Variants in HEATR5B observed in about 807,000 individuals in gnomAD.
HEATR5B encodes HEAT repeat-containing protein 5B.
Under a neutral mutation model 224.1 loss-of-function variants are expected in HEATR5B, and 156 were observed. The observed-to-expected ratio is 0.70, with a 90% CI of 0.61 to 0.80. HEATR5B has a LOEUF of 0.80. Among genes scored for constraint, HEATR5B ranks in the 30% least tolerant of loss-of-function variants. The probability of loss-of-function intolerance (pLI) is 0.00; values close to 1 mark genes in which losing one functional copy is unlikely to be tolerated. For synonymous variants in HEATR5B, 1,027 were observed against 893.0 expected (o/e 1.15, Z -2.68); for missense variants, 2,323 against 2,535.5 (o/e 0.92, Z 1.80).
chr2:37,046,788 G>A (rs977631817), intron 18 of HEATR5B, among the ~76,000 whole-genome samples: 2 of 151,802 alleles, frequency 1.3e-5, no homozygotes, highest in Admixed American at 6.6e-5. Context: ...AGTGGCTCAC[G>A]GTTGTAATCC....
chr2:37,071,015 C>G (rs542358851), intron 6 of HEATR5B, among the ~76,000 whole-genome samples: 17 of 152,274 alleles, frequency 1.1e-4, no homozygotes, highest in African/African-American at 3.8e-4. Context: ...TCTCAATTTC[C>G]TCATCTATAA....
intron 2 of HEATR5B, among the ~76,000 whole-genome samples, chr2:37,081,198 T>G (rs1293967265): frequency 6.6e-6 from 1 of 152,180 alleles, no homozygotes. Context: ...AAACGTCTAG[T>G]TGACAATTAC....
intron 6 of HEATR5B, 72 bp downstream of exon 6, chr2:37,072,038 T>C (rs1671939783): frequency 8.1e-7 from 1 of 1,232,078 alleles, no homozygotes; most frequent in Non-Finnish European, 1.1e-6. Context: ...TTTAAATCCA[T>C]TACACTGACT....
chr2:37,013,930 C>G lies in HEATR5B; in HGVS notation c.4195G>C (p.Val1399Leu). 1 of 1,613,186 alleles carries G rather than the reference C, an allele frequency of 6.2e-7. No homozygotes were observed. The highest frequency in any genetic ancestry group is 1.3e-5 in the African/African-American group (1 of 74,970). The change falls in exon 27 of 36, where the codon GTT becomes CTT. Residue 1399 changes from valine to leucine, a missense_variant. Around this residue, in one of 12 missense-constraint regions of HEATR5B, gnomAD observed 844 missense variants for 812.9 expected, o/e 1.04. Coordinates refer to ENST00000233099, the MANE Select transcript of HEATR5B (RefSeq NM_019024.3). ...CTGGAAGATCCTTTTCCAGCCTGAACTTTGTCCAGAGAAGAAACAAGAAGA... is the reference window on the plus strand; with the variant it reads ...CTGGAAGATCCTTTTCCAGCCTGAAGTTTGTCCAGAGAAGAAACAAGAAGA... Reference protein sequence around the residue: ...HNLLVSSLDKVQAGKGSSSQL... With the variant: ...HNLLVSSLDKLQAGKGSSSQL...
chr2:36,992,210 C>CAAAA (rs1238063262), intron 33 of HEATR5B, among the ~76,000 whole-genome samples: 3 of 150,902 alleles, frequency 2.0e-5, no homozygotes, highest in African/African-American at 7.3e-5. Flanking sequence ...AACAAACAAA[C>CAAAA]AAAAAAACAA....
chr2:37,061,416 T>C (rs1465103346), intron 11 of HEATR5B, among the ~76,000 whole-genome samples: 1 of 152,198 alleles, frequency 6.6e-6, no homozygotes, highest in Non-Finnish European at 1.5e-5. Flanking sequence ...GCACACACTT[T>C]TTACAGCAGC....
chr2:37,049,191 C>T (rs182941438), intron 18 of HEATR5B, among the ~76,000 whole-genome samples: 40 of 152,168 alleles, frequency 2.6e-4, no homozygotes, highest in Middle Eastern at 3.4e-3. Flanking sequence ...ATAAGTGAAT[C>T]CTTAAAACCT....
chr2:36,981,942 T>A (rs1340120708), intron 35 of HEATR5B, 148 bp from the exon 36 acceptor site: 1 of 457,758 alleles, frequency 2.2e-6, no homozygotes, highest in Non-Finnish European at 3.8e-6. Flanking sequence ...TCGTAATTAA[T>A]ATTAAATATT....
At chr2:37,049,371 A>G (rs1021316786) in intron 18 of HEATR5B, among the ~76,000 whole-genome samples, 7 of 152,218 alleles carry the variant, frequency 4.6e-5, no homozygotes, top group African/African-American at 1.2e-4. Context: ...GTGAATACAC[A>G]TAACAGAGAA....
At chr2:37,065,066 A>G in intron 9 of HEATR5B, 76 bp from the exon 10 acceptor site, 4 of 1,421,100 alleles carry the variant, frequency 2.8e-6, no homozygotes, top group Non-Finnish European at 3.9e-6. Flanking sequence ...TATCTAAAAA[A>G]CAATAACTGA....
chr2:37,065,491 T>A (rs1190516655), intron 9 of HEATR5B, among the ~76,000 whole-genome samples: 1 of 152,088 alleles, frequency 6.6e-6, no homozygotes, highest in Non-Finnish European at 1.5e-5. Flanking sequence ...GTATTTTTAG[T>A]AGAGACAGAC....
rs1289784196 is a variant in HEATR5B at position 37,083,451 on chromosome 2, A to T, written c.-22-15T>A. ...GAAATTCACACCTTAAATTTAACAG[A>T]GTAAAAAATACTTGTAAGTATTTTT... On this transcript the variant is annotated splice_polypyrimidine_tract_variant and intron_variant, in intron 1 of 35. Coordinates refer to ENST00000233099, the MANE Select transcript of HEATR5B (RefSeq NM_019024.3). 1.3e-6 allele frequency: 2 copies of T among 1,566,128 alleles called. No individual in the cohort carries two copies. Among genetic ancestry groups the T allele is most frequent in the Non-Finnish European group, 1.8e-6 (2 of 1,142,560 alleles).
intron 22 of HEATR5B, 132 bp downstream of exon 22, chr2:37,032,497 G>T (rs9309001): frequency 0.36 from 300,695 of 838,456 alleles, 57,039 homozygotes; most frequent in East Asian, 0.64. Context: ...TTTAAAAGTG[G>T]TAATGGTTTT....
At chr2:37,007,491 G>T (rs554984399) in intron 28 of HEATR5B, among the ~76,000 whole-genome samples, 187 bp from the exon 29 acceptor site, 1 of 151,954 alleles carries the variant, frequency 6.6e-6, no homozygotes, top group Non-Finnish European at 1.5e-5. Context: ...CTACAGACAT[G>T]CGCCGCAATG....
chr2:36,985,956 C>CA (rs1036980283), intron 35 of HEATR5B, among the ~76,000 whole-genome samples: 10 of 151,710 alleles, frequency 6.6e-5, no homozygotes, highest in African/African-American at 2.4e-4. Context: ...TTCTTACTGT[C>CA]AAAAAAATCA....
chr2:36,988,009 T>C (rs1188248140), intron 35 of HEATR5B, among the ~76,000 whole-genome samples: 5 of 151,650 alleles, frequency 3.3e-5, no homozygotes. Context: ...GAGGCAGAGG[T>C]TGCAGTGAGC....
rs1332284180 is a variant in HEATR5B, at chr2:37,005,569, T to C, written c.4905+63A>G. 44 of 1,483,044 alleles carry C rather than the reference T, an allele frequency of 3.0e-5. No individual in the cohort carries two copies. The South Asian group carries it at 3.9e-4, about 13-fold the overall frequency. The allele number at this position is 1,483,044 out of a possible 1,614,324, so 91.9% of individuals were successfully genotyped here. A position where few individuals can be genotyped will look rare whatever the true frequency, so the allele number is the denominator to read the frequency against. On this transcript the variant is annotated intron_variant, in intron 30 of 35. Coordinates refer to ENST00000233099, the MANE Select transcript of HEATR5B (RefSeq NM_019024.3). ...TACAGAAAAAAAATCCATCCTTTTT[T>C]CCATTGTAAAGCAATACTCAAAAAA...
chr2:37,067,109 A>G (rs1671635400), intron 8 of HEATR5B, among the ~76,000 whole-genome samples: 1 of 152,128 alleles, frequency 6.6e-6, no homozygotes, highest in African/African-American at 2.4e-5. Flanking sequence ...CCTGGCCTCA[A>G]GTGATCCACC....
chr2:36,985,421 T>C (rs1665877567), intron 35 of HEATR5B, among the ~76,000 whole-genome samples: 1 of 150,694 alleles, frequency 6.6e-6, no homozygotes, highest in African/African-American at 2.4e-5. Context: ...AGCAGTCCAT[T>C]AAAAAAATGA....
Sources: gnomAD v4.1 joint callset for allele counts (sites outside exome capture counted in the v4.1 genomes callset) on GRCh38, gnomAD v4.1.1 for gene constraint, gnomAD v4.1.1 regional missense constraint, MANE v1.5 for transcripts, NCBI Gene and HGNC (gene_info 2026-07-23, HGNC 2026-07-21) for gene names.